CIBAR2: variants seen among roughly 807,000 people sequenced by gnomAD.
CIBAR2 encodes CBY1 interacting BAR domain containing 2.
In CIBAR2, 38 loss-of-function variants were observed where a neutral mutation model predicts 36.2. That is an observed-to-expected ratio of 1.05 (90% CI 0.81 to 1.38). The LOEUF (loss-of-function observed/expected upper bound fraction) is 1.38. Ranked by LOEUF, CIBAR2 falls within the 40% of genes most tolerant of loss-of-function variation. CIBAR2 has a pLI of 0.00. For synonymous variants in CIBAR2, 182 were observed against 149.5 expected, an observed-to-expected ratio of 1.22 and a Z score of -1.58; for missense variants, 481 against 383.4, an observed-to-expected ratio of 1.25 and a Z score of -2.13.
chr16:85,108,063 T>C lies in CIBAR2; in HGVS notation c.292A>G (p.Lys98Glu), dbSNP rs1480025582. 2 of 1,613,096 alleles carry C rather than the reference T, an allele frequency of 1.2e-6. No individual in the cohort carries two copies. Among genetic ancestry groups the C allele is most frequent in the African/African-American group, 2.7e-5 (2 of 74,856 alleles). The change falls in exon 3 of 9, where the codon AAG becomes GAG. Residue 98 changes from lysine to glutamate, a missense_variant. Lys to Glu is a moderately conservative substitution (Grantham distance 56). Coordinates refer to ENST00000539556, the MANE Select transcript of CIBAR2 (RefSeq NM_198491.3). The part of the protein sequence containing the change: ...RLETKVVNPL[K>E]LYGAQIKQTR... ...TGCTTGATCTGTGCCCCGTAGAGCT[T>C]CAGGGGGTTGACCACCTTGGTCTCC...
chr16:85,103,238 T>G (rs1472342011), intron 6 of CIBAR2, among the ~76,000 whole-genome samples: 1 of 152,136 alleles, frequency 6.6e-6, no homozygotes, highest in African/African-American at 2.4e-5. Flanking sequence ...TGCGGACTCA[T>G]AGCAGGCACC....
At chr16:85,106,870 C>G (rs887779091) in intron 5 of CIBAR2, among the ~76,000 whole-genome samples, 1 of 152,192 alleles carries the variant, frequency 6.6e-6, no homozygotes, top group South Asian at 2.1e-4. Context: ...TCAAGGGGCA[C>G]TCTTTGTGGC....
intron 6 of CIBAR2, among the ~76,000 whole-genome samples, chr16:85,104,798 G>GA: frequency 6.6e-6 from 1 of 152,272 alleles, no homozygotes; most frequent in Non-Finnish European, 1.5e-5. Flanking sequence ...GATGGGGAAG[G>GA]AATCTCTGCG....
intron 2 of CIBAR2, among the ~76,000 whole-genome samples, chr16:85,109,991 G>A (rs1388198053): frequency 3.3e-5 from 5 of 152,290 alleles, no homozygotes; most frequent in Non-Finnish European, 5.9e-5. Flanking sequence ...CTGGCTTCCT[G>A]GGTTTCCTTG....
chr16:85,098,709 G>C lies in CIBAR2; in HGVS notation c.*476C>G. 1 of 836,154 alleles carries C rather than the reference G, an allele frequency of 1.2e-6. No homozygotes were observed. Among genetic ancestry groups the C allele is most frequent in the Non-Finnish European group, 1.4e-6 (1 of 693,522 alleles). The allele number at this position is 836,154 out of a possible 1,614,324, so 51.8% of individuals were successfully genotyped here. A position where few individuals can be genotyped will look rare whatever the true frequency, so the allele number is the denominator to read the frequency against. ...AAATAATAATAATAATAAAACGACA[G>C]CAACATCAGTAATGATAATGGCAGC... On this transcript the variant is annotated 3_prime_UTR_variant, in exon 9 of 9. Coordinates refer to ENST00000539556, the MANE Select transcript of CIBAR2 (RefSeq NM_198491.3).
chr16:85,108,280 G>A (rs1011514329), intron 2 of CIBAR2, among the ~76,000 whole-genome samples, 181 bp from the exon 3 acceptor site: 3 of 152,296 alleles, frequency 2.0e-5, no homozygotes, highest in South Asian at 2.1e-4. Context: ...TTCAGGGCCC[G>A]GCTCTGCCTC....
intron 8 of CIBAR2, among the ~76,000 whole-genome samples, 199 bp downstream of exon 8, chr16:85,099,940 G>C (rs2073941988): frequency 1.3e-5 from 2 of 151,282 alleles, no homozygotes; most frequent in Non-Finnish European, 1.5e-5. Flanking sequence ...ACCGTGCCCA[G>C]CTTCATTCTA....
intron 8 of CIBAR2, 96 bp from the exon 9 acceptor site, chr16:85,099,442 A>T (rs572778063): frequency 1.3e-6 from 1 of 756,524 alleles, no homozygotes; most frequent in African/African-American, 1.7e-5. Context: ...CCTCTGAGGA[A>T]CCCTGGATTC....
At chr16:85,108,348 T>C (rs924285884) in intron 2 of CIBAR2, among the ~76,000 whole-genome samples, 1 of 152,152 alleles carries the variant, frequency 6.6e-6, no homozygotes, top group Admixed American at 6.5e-5. Flanking sequence ...ACCTGTCAAA[T>C]GAGGTCATGG....
intron 6 of CIBAR2, among the ~76,000 whole-genome samples, chr16:85,103,237 A>G (rs983717950): frequency 1.3e-5 from 2 of 152,180 alleles, no homozygotes; most frequent in Non-Finnish European, 2.9e-5. Flanking sequence ...ATGCGGACTC[A>G]TAGCAGGCAC....
chr16:85,098,584 C>T lies in CIBAR2; in HGVS notation c.*601G>A. On this transcript the variant is annotated 3_prime_UTR_variant, in exon 9 of 9. Coordinates refer to ENST00000539556, the MANE Select transcript of CIBAR2 (RefSeq NM_198491.3). ...CAGTTCTCTCTTATGGGGTCCCTGC[C>T]CCAGTGCCCTGAGGTCCTCCACGGG... 3.0e-6 allele frequency: 3 copies of T among 986,000 alleles called. No individual in the cohort carries two copies. Among genetic ancestry groups the T allele is most frequent in the Non-Finnish European group, 3.6e-6 (3 of 830,040 alleles). 61.1% of individuals were successfully genotyped at this position (986,000 alleles called of 1,614,324 possible).
chr16:85,109,881 G>T (rs2074026753), intron 2 of CIBAR2, among the ~76,000 whole-genome samples: 1 of 152,154 alleles, frequency 6.6e-6, no homozygotes, highest in Non-Finnish European at 1.5e-5. Flanking sequence ...ACACCCTGCA[G>T]CCTCCTTGCC....
chr16:85,108,161 A>T, intron 2 of CIBAR2, 62 bp from the exon 3 acceptor site: 1 of 1,501,074 alleles, frequency 6.7e-7, no homozygotes, highest in Non-Finnish European at 9.0e-7. Context: ...CAGCCTGGGC[A>T]TATAAAGCAG....
In CIBAR2 at chr16:85,100,004, C is replaced by A. The variant is rs1466864; in HGVS notation, c.753+135G>T. ...CGGGCAGCCCTCCATGCTCCCACCACCCCTGCCTCCTCAGCCTCCCATTTC... is the reference window on the plus strand; with the variant it reads ...CGGGCAGCCCTCCATGCTCCCACCAACCCTGCCTCCTCAGCCTCCCATTTC... On this transcript the variant is annotated intron_variant, in intron 8 of 8. Coordinates refer to ENST00000539556, the MANE Select transcript of CIBAR2 (RefSeq NM_198491.3). 0.25 allele frequency: 172,058 copies of A among 682,548 alleles called. 23,676 individuals are homozygous for A. The highest frequency in any genetic ancestry group is 0.33 in the Middle Eastern group (833 of 2,520). The allele number at this position is 682,548 out of a possible 1,614,324, so 42.3% of individuals were successfully genotyped here. A position where few individuals can be genotyped will look rare whatever the true frequency, so the allele number is the denominator to read the frequency against.
chr16:85,111,306 C>A, intron 1 of CIBAR2, among the ~76,000 whole-genome samples: 1 of 152,208 alleles, frequency 6.6e-6, no homozygotes, highest in East Asian at 1.9e-4. Flanking sequence ...TCCACATGCA[C>A]CGCCCTATAA....
rs371477535 is a variant in CIBAR2, at chr16:85,102,199, G to A, written c.651+15C>T. ...CCCACTCCACCATATAGGAAACGGG[G>A]TGTCTGTGACTCACCAGTAGATCCC... is the stretch of plus-strand genomic sequence containing the variant. On this transcript the variant is annotated intron_variant, in intron 7 of 8. Coordinates refer to ENST00000539556, the MANE Select transcript of CIBAR2 (RefSeq NM_198491.3). 1.4e-6 allele frequency: 2 copies of A among 1,406,414 alleles called. No individual in the cohort carries two copies. The highest frequency in any genetic ancestry group is 3.4e-5 in the Admixed American group (2 of 58,782). The allele number at this position is 1,406,414 out of a possible 1,614,324, so 87.1% of individuals were successfully genotyped here.
chr16:85,101,456 C>T (rs2073954637), intron 7 of CIBAR2, among the ~76,000 whole-genome samples: 1 of 152,088 alleles, frequency 6.6e-6, no homozygotes, highest in African/African-American at 2.4e-5. Flanking sequence ...CACGTGAGCC[C>T]CATCAACCCC....
chr16:85,110,881 T>G (rs2144180370), intron 1 of CIBAR2, among the ~76,000 whole-genome samples: 1 of 152,146 alleles, frequency 6.6e-6, no homozygotes, highest in South Asian at 2.1e-4. Context: ...ATTTTTGTAT[T>G]TTTAGTAGAG....
intron 1 of CIBAR2, among the ~76,000 whole-genome samples, chr16:85,111,244 G>A (rs921825496): frequency 1.3e-5 from 2 of 152,146 alleles, no homozygotes; most frequent in Admixed American, 1.3e-4. Flanking sequence ...CTGAGGAGCA[G>A]CCCTCTGTCC....
Sources: allele counts gnomAD v4.1 joint callset (sites outside exome capture counted in the v4.1 genomes callset), GRCh38; gene constraint gnomAD v4.1.1; transcripts MANE v1.5; gene names NCBI Gene and HGNC (gene_info 2026-07-23, HGNC 2026-07-21).